Variants in PRX observed in about 807,000 individuals in gnomAD.
PRX encodes the protein periaxin.
A neutral mutation model predicts 29.6 loss-of-function variants in PRX; 24 were observed. The observed-to-expected ratio is 0.81, with a 90% CI of 0.59 to 1.14. The LOEUF is 1.14. PRX is among the 50% of genes most tolerant of loss of function. The pLI, the probability that PRX is intolerant of heterozygous loss-of-function variation, is 0.00. For missense variants in PRX, 1,838 were observed against 1,926.4 expected (o/e 0.95, Z 0.86); for synonymous variants, 772 against 831.7 (o/e 0.93, Z 1.24).
intron 5 of PRX, among the ~76,000 whole-genome samples, chr19:40,402,507 C>A (rs2079502177): frequency 6.6e-6 from 1 of 151,808 alleles, no homozygotes; most frequent in South Asian, 2.1e-4. Context: ...CGCGGTGGCT[C>A]ACACCTGTAA....
At chr19:40,404,344 G>C (rs2079517657) in intron 4 of PRX, among the ~76,000 whole-genome samples, 1 of 151,388 alleles carries the variant, frequency 6.6e-6, no homozygotes, top group African/African-American at 2.4e-5. Flanking sequence ...CTGCGTCGGA[G>C]TGGGCTGGAG....
intron 1 of PRX, among the ~76,000 whole-genome samples, chr19:40,412,835 C>T (rs1483124931): frequency 6.6e-6 from 1 of 152,186 alleles, no homozygotes. Context: ...CCCATCTCAG[C>T]CTCCAGAGTA....
In PRX at chr19:40,397,041, G is replaced by A. The variant is rs749779746; in HGVS notation, c.1311C>T (p.Pro437=). Residue 437 remains proline (P), a synonymous_variant, in exon 7 of 7, where the codon CCC becomes CCT. Transcript: ENST00000324001. ...IGVSGPEVKV[P]KGPEVKLPKA... ...TGGGGAGCTTCACTTCAGGTCCCTT[G>A]GGCACCTTGACCTCGGGCCCTGACA... The A allele has an allele frequency of 9.9e-6, 16 of 1,613,982 alleles. No homozygotes were observed. Among genetic ancestry groups the A allele is most frequent in the South Asian group, 1.1e-5 (1 of 91,090 alleles).
Position 40,395,502 on chromosome 19 carries a change from C to G in PRX, c.2850G>C (p.Gly950=), listed in dbSNP as rs770520776. The change falls in exon 7 of 7, where the codon GGG becomes GGC. Residue 950 remains glycine (G), a synonymous_variant. Coordinates refer to ENST00000324001, the MANE Select transcript of PRX (RefSeq NM_181882.3). ...CCTTCAGCTTGGTAGCTCGCCCAGCCCCCTCAGCCTCTGCCTTAGCCACCT... is the reference window on the plus strand; with the variant it reads ...CCTTCAGCTTGGTAGCTCGCCCAGCGCCCTCAGCCTCTGCCTTAGCCACCT... The part of the protein sequence containing the change: ...GPKVAKAEAE[G]AGRATKLKVS... 3.1e-6 allele frequency: 5 copies of G among 1,614,064 alleles called. No homozygotes were observed. The highest frequency in any genetic ancestry group is 1.3e-5 in the African/African-American group (1 of 74,906).
At chr19:40,400,713 A>C (rs757593785) in intron 5 of PRX, among the ~76,000 whole-genome samples, 4 of 151,664 alleles carry the variant, frequency 2.6e-5, no homozygotes, top group Non-Finnish European at 4.4e-5. Context: ...TCCTCCTGCA[A>C]ATGCAGGCCC....
chr19:40,410,795 T>C (rs974363305), intron 1 of PRX, among the ~76,000 whole-genome samples: 1 of 152,108 alleles, frequency 6.6e-6, no homozygotes, highest in African/African-American at 2.4e-5. Flanking sequence ...CGCTTCAGCC[T>C]GGGAAGCGGA....
chr19:40,398,814 C>G lies in PRX; in HGVS notation c.187G>C (p.Asp63His). 1 of 1,613,988 alleles carries G rather than the reference C, an allele frequency of 6.2e-7. No homozygotes were observed. The highest frequency in any genetic ancestry group is 8.5e-7 in the Non-Finnish European group (1 of 1,179,950). ...AARSLSLQEG[D>H]QLLSARVFFE... ...AACACTCGGGCACTCAGCAGCTGGTCCCCTGCGGGCGAGGTGGAGGTGCGC... is the reference window on the plus strand; with the variant it reads ...AACACTCGGGCACTCAGCAGCTGGTGCCCTGCGGGCGAGGTGGAGGTGCGC... The change falls in exon 6 of 7, where the codon GAC becomes CAC. Residue 63 changes from aspartate (D) to histidine (H), a missense_variant and splice_region_variant. Transcript: ENST00000324001. This position sits in a 1 kb window ranked among gnomAD's most constrained non-coding sequence, Gnocchi z 6.3.
At chr19:40,408,108 G>T in intron 3 of PRX, 50 bp downstream of exon 3, 1 of 824,032 alleles carries the variant, frequency 1.2e-6, no homozygotes, top group Non-Finnish European at 2.0e-6. Flanking sequence ...GGAGAAAGCA[G>T]GGTGGGTATT....
chr19:40,410,890 TA>T (rs1266594970), intron 1 of PRX, among the ~76,000 whole-genome samples: 1 of 151,876 alleles, frequency 6.6e-6, no homozygotes, highest in Admixed American at 6.6e-5. Flanking sequence ...AAAATAAAAA[TA>T]AAAAAAGCTC....
intron 5 of PRX, among the ~76,000 whole-genome samples, chr19:40,400,837 G>A (rs1266951012): frequency 6.6e-6 from 1 of 152,108 alleles, no homozygotes; most frequent in Non-Finnish European, 1.5e-5. Flanking sequence ...TTCTTGGGAA[G>A]TTCATCCAGA....
intron 5 of PRX, among the ~76,000 whole-genome samples, chr19:40,401,191 C>T (rs1474772496): frequency 6.6e-6 from 1 of 152,208 alleles, no homozygotes; most frequent in African/African-American, 2.4e-5. Context: ...CTCCAAAACC[C>T]TTTGGTCCTG....
At chr19:40,403,987 G>C in intron 4 of PRX, 125 bp from the exon 5 acceptor site, 2 of 1,161,928 alleles carry the variant, frequency 1.7e-6, no homozygotes, top group South Asian at 1.5e-5. Context: ...ACGGGGGTGG[G>C]GGACGGTCTC....
chr19:40,406,444 G>A (rs1360420007), intron 4 of PRX, among the ~76,000 whole-genome samples: 3 of 152,174 alleles, frequency 2.0e-5, no homozygotes, highest in East Asian at 3.9e-4. Context: ...CTAAGGCCCA[G>A]AGAGGTAAAG....
At chr19:40,410,763 C>T (rs1018098820) in intron 1 of PRX, among the ~76,000 whole-genome samples, 12 of 152,050 alleles carry the variant, frequency 7.9e-5, no homozygotes, top group Admixed American at 7.2e-4. Context: ...CCCAGCTACT[C>T]GGGAGGCTGA....
chr19:40,412,885 A>T (rs1171093743), intron 1 of PRX, among the ~76,000 whole-genome samples: 2 of 151,992 alleles, frequency 1.3e-5, no homozygotes, highest in Non-Finnish European at 2.9e-5. Context: ...CCAGCTAATT[A>T]AAAAAAATTT....
chr19:40,398,563 C>A lies in PRX; in HGVS notation c.381+57G>T, dbSNP rs1165481118. 6.2e-6 allele frequency: 10 copies of A among 1,603,818 alleles called. No individual in the cohort carries two copies. The highest frequency in any genetic ancestry group is 1.1e-5 in the South Asian group (1 of 90,864). On this transcript the variant is annotated intron_variant, in intron 6 of 6. Coordinates refer to ENST00000324001, the MANE Select transcript of PRX (RefSeq NM_181882.3). This position sits in a 1 kb window ranked among gnomAD's most constrained non-coding sequence, Gnocchi z 6.3. ...CGATGGCGGGGAATGGGGCTCACGG[C>A]GCAGAGACCGGATCGCTGGGGCAGT...
chr19:40,394,536 G>C lies in PRX; in HGVS notation c.3816C>G (p.Phe1272Leu). The C allele has an allele frequency of 6.2e-7, 1 of 1,603,702 alleles. No individual in the cohort carries two copies. The highest frequency in any genetic ancestry group is 8.5e-7 in the Non-Finnish European group (1 of 1,175,756). ...EEQPPGAERT[F>L]CLSLPDVELS... is the part of the protein sequence containing the mutation. Reference sequence around the variant, plus strand: ...GCTCCACGTCGGGCAGTGAGAGGCAGAAGGTACGCTCGGCCCCTGGGGGCT... The same window carrying C: ...GCTCCACGTCGGGCAGTGAGAGGCACAAGGTACGCTCGGCCCCTGGGGGCT... The change falls in exon 7 of 7, where the codon TTC (phenylalanine) becomes TTG (leucine). Residue 1272 changes from phenylalanine (F) to leucine (L), a missense_variant. This residue lies in a region of PRX where 1,143 missense variants were observed against 1,193.0 expected (regional missense o/e 0.96). Coordinates refer to ENST00000324001, the MANE Select transcript of PRX (RefSeq NM_181882.3). This position sits in a 1 kb window ranked among gnomAD's most constrained non-coding sequence, Gnocchi z 5.8.
intron 1 of PRX, among the ~76,000 whole-genome samples, chr19:40,408,911 GC>G (rs1335267101): frequency 1.3e-5 from 2 of 151,810 alleles, no homozygotes; most frequent in Non-Finnish European, 2.9e-5. Flanking sequence ...GCTCACTGCA[GC>G]CTCCAACTCC....
At chr19:40,406,630 A>G (rs567276788) in intron 4 of PRX, among the ~76,000 whole-genome samples, 22 of 152,108 alleles carry the variant, frequency 1.4e-4, no homozygotes, top group Non-Finnish European at 2.6e-4. Flanking sequence ...TGCCTGGTAT[A>G]CAGTAAGACA....
Sources: allele counts gnomAD v4.1 joint callset (sites outside exome capture counted in the v4.1 genomes callset), GRCh38; gene constraint gnomAD v4.1.1; regional missense constraint gnomAD v4.1.1; non-coding constraint Gnocchi (gnomAD v3.1); transcripts MANE v1.5; gene names NCBI Gene and HGNC (gene_info 2026-07-23, HGNC 2026-07-21).